Variants in RIMKLB observed in about 807,000 individuals in gnomAD.
RIMKLB encodes the protein ribosomal modification protein rimK like family member B, also known as beta-citrylglutamate synthase B.
Under a neutral mutation model 32.0 loss-of-function variants are expected in RIMKLB, and 7 were observed. The observed-to-expected ratio is 0.22, with a 90% CI of 0.12 to 0.41. The LOEUF is 0.41. Ranked by LOEUF, RIMKLB falls within the 10% of genes least tolerant of loss-of-function variation. RIMKLB has a pLI of 1.00. For missense variants in RIMKLB, 289 were observed against 498.7 expected (o/e 0.58, Z 4.00); for synonymous variants, 172 against 185.1 (o/e 0.93, Z 0.57).
At chr12:8,674,739 G>A in the RIMKLB span, among the ~76,000 whole-genome samples, 46 of 151,006 alleles carry the variant, frequency 3.0e-4, 2 homozygotes, top group African/African-American at 1.1e-3. Flanking sequence ...TAGTAGAGAT[G>A]GGGTTTCACC....
intron 1 of RIMKLB, among the ~76,000 whole-genome samples, chr12:8,712,246 C>A (rs936480002): frequency 6.6e-6 from 1 of 151,920 alleles, no homozygotes; most frequent in Non-Finnish European, 1.5e-5. Flanking sequence ...GATCTCGGCT[C>A]ACTGCAACCT....
chr12:8,781,711 A>G (rs1323243863), downstream of RIMKLB, among the ~76,000 whole-genome samples: 1 of 152,096 alleles, frequency 6.6e-6, no homozygotes, highest in Non-Finnish European at 1.5e-5. Context: ...TTCCTAAGAG[A>G]GTGTGCATGT....
chr12:8,691,700 A>C (rs1014755540), intron 1 of RIMKLB, among the ~76,000 whole-genome samples: 3 of 152,238 alleles, frequency 2.0e-5, no homozygotes, highest in Non-Finnish European at 4.4e-5. Context: ...TTCTTTGAAC[A>C]TAGGATAACC....
At chr12:8,698,645 G>T (rs775510211) in intron 1 of RIMKLB, among the ~76,000 whole-genome samples, 57 of 152,220 alleles carry the variant, frequency 3.7e-4, no homozygotes, top group African/African-American at 1.3e-3. Flanking sequence ...CCCCGGGAAC[G>T]CCGGCTGGAG....
At chr12:8,698,479 A>C (rs1454976413) in intron 1 of RIMKLB, among the ~76,000 whole-genome samples, 182 bp downstream of exon 1, 3 of 150,784 alleles carry the variant, frequency 2.0e-5, no homozygotes, top group Non-Finnish European at 1.5e-5. Flanking sequence ...CGCTCCGCGG[A>C]GTCGGTGGGG....
chr12:8,779,644 T>C (rs769463951), downstream of RIMKLB: 3 of 152,174 alleles, frequency 2.0e-5, no homozygotes, highest in Non-Finnish European at 2.9e-5. Flanking sequence ...ATTTTTATCT[T>C]GATGAAGGCA....
At chr12:8,740,736 A>G (rs1310081948) in intron 2 of RIMKLB, among the ~76,000 whole-genome samples, 1 of 152,126 alleles carries the variant, frequency 6.6e-6, no homozygotes, top group Non-Finnish European at 1.5e-5. Flanking sequence ...GAGAATTCTC[A>G]TGGTTGTTTG....
chr12:8,729,867 G>T (rs183747413), intron 2 of RIMKLB, among the ~76,000 whole-genome samples: 1 of 152,148 alleles, frequency 6.6e-6, no homozygotes, highest in Non-Finnish European at 1.5e-5. Flanking sequence ...GTCAACTTCT[G>T]TTTTATAATA....
At chr12:8,686,697 C>T (rs1340722241) in intron 1 of RIMKLB, among the ~76,000 whole-genome samples, 6 of 151,944 alleles carry the variant, frequency 3.9e-5, no homozygotes, top group South Asian at 4.1e-4. Flanking sequence ...TTATCCAGGA[C>T]GGTGTCGATC....
chr12:8,737,994 G>A (rs756264425), intron 2 of RIMKLB, among the ~76,000 whole-genome samples: 1 of 152,302 alleles, frequency 6.6e-6, no homozygotes, highest in East Asian at 1.9e-4. Flanking sequence ...GATTACAGGT[G>A]TGAGCCACTG....
At chr12:8,748,580 T>C (rs1444696203) in intron 2 of RIMKLB, among the ~76,000 whole-genome samples, 1 of 147,094 alleles carries the variant, frequency 6.8e-6, no homozygotes, top group Non-Finnish European at 1.5e-5. Context: ...ATACACAAAA[T>C]TTATATTCAT....
At chr12:8,753,137 A>C (rs897987744) in intron 4 of RIMKLB, among the ~76,000 whole-genome samples, 1 of 152,192 alleles carries the variant, frequency 6.6e-6, no homozygotes, top group Non-Finnish European at 1.5e-5. Context: ...TCAGAGTTCA[A>C]CTGGAACTAT....
rs754746293 is a variant in RIMKLB at position 8,773,701 on chromosome 12, C to G, written c.1078C>G (p.Arg360Gly). ...TGACAGCGACCCTGAAAGCACGGAG[C>G]GAGAGCTGCTCACCAAGCTCCCAGG... ...SVDSDPESTE[R>G]ELLTKLPGGL... Residue 360 changes from arginine to glycine, a missense_variant, in exon 6 of 6, where the codon CGA (arginine) becomes GGA (glycine). Physicochemically the swap from Arg to Gly is moderately radical, Grantham distance 125. Transcript: ENST00000535829. 6.2e-6 allele frequency: 10 copies of G among 1,614,214 alleles called. No homozygotes were observed. The highest frequency in any genetic ancestry group is 4.5e-5 in the East Asian group (2 of 44,894).
intron 2 of RIMKLB, among the ~76,000 whole-genome samples, chr12:8,720,237 C>T (rs1254832052): frequency 1.3e-5 from 2 of 152,178 alleles, no homozygotes; most frequent in East Asian, 3.8e-4. Flanking sequence ...AAAACACATT[C>T]ATTAGGAGAA....
chr12:8,777,874 G>A (rs1243376778), downstream of RIMKLB: 4 of 223,988 alleles, frequency 1.8e-5, no homozygotes, highest in Non-Finnish European at 3.2e-5. Flanking sequence ...CTTTCTTTAC[G>A]TACTTTAAAA....
At chr12:8,754,809 ATGATGGGGTCTTGTC>A (rs1948885920) in intron 5 of RIMKLB, among the ~76,000 whole-genome samples, 1 of 152,094 alleles carries the variant, frequency 6.6e-6, no homozygotes, top group African/African-American at 2.4e-5. Context: ...GAGTGAGTGA[ATGATGGGGTCTTGTC>A]TGTCTCCCAG....
upstream of RIMKLB, chr12:8,697,400 G>C (rs1037029604): frequency 2.0e-5 from 3 of 153,006 alleles, no homozygotes; most frequent in African/African-American, 7.2e-5. Context: ...CGGAGACTCC[G>C]GGCGGCGGCC....
At chr12:8,696,503 G>A (rs915052703), upstream of RIMKLB, among the ~76,000 whole-genome samples, 17 of 152,168 alleles carry the variant, frequency 1.1e-4, no homozygotes, top group Non-Finnish European at 2.4e-4. Flanking sequence ...ATCTGTGTCA[G>A]CTGTTAAATA....
downstream of RIMKLB, among the ~76,000 whole-genome samples, chr12:8,781,584 C>T (rs1029696669): frequency 6.6e-6 from 1 of 152,170 alleles, no homozygotes; most frequent in Non-Finnish European, 1.5e-5. Context: ...TCCTCTATCT[C>T]TCCCTGTCTT....
Sources: gnomAD v4.1 joint callset for allele counts (sites outside exome capture counted in the v4.1 genomes callset) on GRCh38, gnomAD v4.1.1 for gene constraint, MANE v1.5 for transcripts, NCBI Gene and HGNC (gene_info 2026-07-23, HGNC 2026-07-21) for gene names.